Variants in MBD5 observed in about 807,000 individuals in gnomAD.
The protein encoded by MBD5 is methyl-CpG binding domain protein 5.
MBD5 carries 13 observed loss-of-function variants against 117.3 expected under a neutral mutation model. The observed-to-expected ratio is 0.11, with a 90% CI of 0.07 to 0.18. The LOEUF is 0.18. MBD5 is among the 10% of genes least tolerant of loss of function. The probability of loss-of-function intolerance (pLI) is 1.00; values close to 1 mark genes in which losing one functional copy is unlikely to be tolerated. For synonymous variants in MBD5, 727 were observed against 766.4 expected (o/e 0.95, Z 0.85); for missense variants, 1,879 against 2,093.8 (o/e 0.90, Z 2.00).
chr2:148,471,607 C>T (rs752273676), intron 8 of MBD5: 6 of 152,008 alleles, frequency 3.9e-5, no homozygotes, highest in Non-Finnish European at 8.8e-5. Flanking sequence ...AAAGCGTTTT[C>T]CTTCCTAGTG....
chr2:148,058,488 A>AT (rs905097539), intron 1 of MBD5, among the ~76,000 whole-genome samples: 13 of 150,914 alleles, frequency 8.6e-5, no homozygotes, highest in South Asian at 4.2e-4. Flanking sequence ...TAATAGGTGA[A>AT]TTTTTTTTTG....
intron 1 of MBD5, among the ~76,000 whole-genome samples, chr2:148,085,484 G>C (rs1004940172): frequency 5.9e-5 from 9 of 152,028 alleles, no homozygotes; most frequent in Non-Finnish European, 1.3e-4. Context: ...CAGCACTTTG[G>C]GAGGCCAAGG....
chr2:148,030,751 C>T lies in MBD5; in HGVS notation c.-925+9067C>T, dbSNP rs117975101. 3.9e-5 allele frequency among the ~76,000 whole-genome samples: 6 copies of T among 152,122 alleles called. No homozygotes were observed. The East Asian group carries it at 9.7e-4, about 24-fold the overall frequency. On this transcript the variant is annotated intron_variant, in intron 1 of 13. Transcript: ENST00000642680. ...GATTTTTGATGAGAAAATATACTTA[C>T]GTATTGAAGTAAAAAATGACCCAGG...
intron 11 of MBD5, among the ~76,000 whole-genome samples, chr2:148,491,193 A>G (rs1410779418): frequency 3.3e-5 from 5 of 151,326 alleles, no homozygotes; most frequent in East Asian, 3.9e-4. Context: ...GTTTAACCTC[A>G]TAGTCTGGTT....
chr2:148,115,115 C>G (rs1489322393), intron 1 of MBD5, among the ~76,000 whole-genome samples: 1 of 152,062 alleles, frequency 6.6e-6, no homozygotes, highest in Admixed American at 6.6e-5. Flanking sequence ...AAATATCTAT[C>G]AATATACTGG....
At chr2:148,141,941 AC>A (rs1339848488) in intron 1 of MBD5, among the ~76,000 whole-genome samples, 1 of 152,094 alleles carries the variant, frequency 6.6e-6, no homozygotes, top group Non-Finnish European at 1.5e-5. Flanking sequence ...GTGCCACTGT[AC>A]CCCAGCCTGG....
chr2:148,127,515 T>A (rs1288369844), intron 1 of MBD5, among the ~76,000 whole-genome samples: 1 of 152,228 alleles, frequency 6.6e-6, no homozygotes, highest in Middle Eastern at 3.2e-3. Flanking sequence ...ATTAGTTTGC[T>A]GAGGATAACA....
chr2:148,102,664 T>TACACACACAC (rs113654978), intron 1 of MBD5, among the ~76,000 whole-genome samples: 1 of 143,682 alleles, frequency 7.0e-6, no homozygotes, highest in African/African-American at 2.6e-5. Context: ...TTGCTTATTT[T>TACACACACAC]ACACACACAC....
At chr2:148,394,750 T>C (rs1414949482) in intron 4 of MBD5, among the ~76,000 whole-genome samples, 4 of 152,144 alleles carry the variant, frequency 2.6e-5, no homozygotes, top group Non-Finnish European at 5.9e-5. Flanking sequence ...TTTCCTTCCT[T>C]GTTTCTTTGT....
intron 8 of MBD5, 72 bp from the exon 9 acceptor site, chr2:148,483,038 T>C: frequency 6.5e-7 from 1 of 1,536,114 alleles, no homozygotes; most frequent in Non-Finnish European, 8.8e-7. Flanking sequence ...TGTTAATGCA[T>C]TTTTATGCCT....
chr2:148,022,750 A>G (rs1326633688), intron 1 of MBD5, among the ~76,000 whole-genome samples: 2 of 152,204 alleles, frequency 1.3e-5, no homozygotes, highest in African/African-American at 4.8e-5. Context: ...ATATGTTTTC[A>G]TGAGTCAAAG....
At chr2:148,507,625 G>A (rs1682076911) in intron 12 of MBD5, among the ~76,000 whole-genome samples, 1 of 152,054 alleles carries the variant, frequency 6.6e-6, no homozygotes, top group African/African-American at 2.4e-5. Context: ...CGGGCGCGGT[G>A]GCGGGTGCCT....
At chr2:148,407,406 A>G (rs997757863) in intron 4 of MBD5, among the ~76,000 whole-genome samples, 2 of 150,868 alleles carry the variant, frequency 1.3e-5, no homozygotes, top group Non-Finnish European at 3.0e-5. Context: ...GTATGTATTT[A>G]TGTATCCTTG....
intron 3 of MBD5, among the ~76,000 whole-genome samples, chr2:148,239,232 G>GA (rs1198120632): frequency 6.6e-6 from 1 of 152,042 alleles, no homozygotes; most frequent in Non-Finnish European, 1.5e-5. Context: ...AGTGATATCT[G>GA]ACACCACCAT....
chr2:148,406,862 A>G (rs1705094398), intron 4 of MBD5, among the ~76,000 whole-genome samples: 1 of 152,150 alleles, frequency 6.6e-6, no homozygotes, highest in African/African-American at 2.4e-5. Context: ...TCTTGTTGAA[A>G]TGCCACCCTC....
At chr2:148,097,241 ATTAC>A (rs1171854507) in intron 1 of MBD5, among the ~76,000 whole-genome samples, 5 of 152,220 alleles carry the variant, frequency 3.3e-5, no homozygotes, top group South Asian at 2.1e-4. Context: ...GGTGTACAGT[ATTAC>A]TTATAAATTC....
At chr2:148,040,956 G>A (rs1191471808) in intron 1 of MBD5, among the ~76,000 whole-genome samples, 2 of 151,982 alleles carry the variant, frequency 1.3e-5, no homozygotes, top group African/African-American at 4.8e-5. Context: ...TGCTTTTGTG[G>A]AGTTTTGTTT....
intron 8 of MBD5, among the ~76,000 whole-genome samples, chr2:148,476,632 G>A (rs990433022): frequency 4.6e-5 from 7 of 151,890 alleles, no homozygotes; most frequent in Admixed American, 3.9e-4. Flanking sequence ...ATACTAGTTG[G>A]GGCATACTAA....
At chr2:148,493,828 A>G (rs776071392) in intron 11 of MBD5, among the ~76,000 whole-genome samples, 10 of 152,188 alleles carry the variant, frequency 6.6e-5, no homozygotes, top group Non-Finnish European at 1.2e-4. Flanking sequence ...ATACTGTATA[A>G]ACACAGTCTG....
Sources: gnomAD v4.1 joint callset for allele counts (sites outside exome capture counted in the v4.1 genomes callset) on GRCh38, gnomAD v4.1.1 for gene constraint, MANE v1.5 for transcripts, NCBI Gene and HGNC (gene_info 2026-07-23, HGNC 2026-07-21) for gene names.